Variants in WDR33 observed in about 807,000 individuals in gnomAD.
WDR33 encodes pre-mRNA 3' end processing protein WDR33.
Under a neutral mutation model 164.9 loss-of-function variants are expected in WDR33, and 47 were observed. The observed-to-expected ratio is 0.29, with a 90% confidence interval of 0.23 to 0.36. The LOEUF is 0.36. WDR33 is among the 10% of genes least tolerant of loss of function. The pLI is 1.00. For missense variants in WDR33, 1,137 were observed against 1,754.1 expected (o/e 0.65, Z 6.28); for synonymous variants, 505 against 589.0 (o/e 0.86, Z 2.06).
At chr2:127,765,830 A>G (rs1687804497) in intron 4 of WDR33, among the ~76,000 whole-genome samples, 1 of 152,004 alleles carries the variant, frequency 6.6e-6, no homozygotes, top group African/African-American at 2.4e-5. Context: ...CCTCCATTCA[A>G]AGTACCAAGC....
Position 127,724,560 on chromosome 2 carries a change from G to A in WDR33, c.1086-117C>T. ...ATGAAGCTACCAAAGCCTGGACTTG[G>A]ACTCTGGTGAATTCCACATGTCTCG... On this transcript the variant is annotated intron_variant, in intron 10 of 21. Transcript: ENST00000322313. The surrounding 1 kb of genome is among the most constrained non-coding windows in gnomAD (Gnocchi z 4.8). 1.2e-6 allele frequency: 1 copy of A among 865,860 alleles called. No homozygotes were observed. Among genetic ancestry groups the A allele is most frequent in the Non-Finnish European group, 1.8e-6 (1 of 544,826 alleles). The allele number at this position is 865,860 out of a possible 1,614,324, so 53.6% of individuals were successfully genotyped here. A position where few individuals can be genotyped will look rare whatever the true frequency, so the allele number is the denominator to read the frequency against.
At chr2:127,740,296 G>A (rs112638681) in intron 7 of WDR33, among the ~76,000 whole-genome samples, 4 of 152,274 alleles carry the variant, frequency 2.6e-5, no homozygotes, top group African/African-American at 9.6e-5. Context: ...GGCCACCAGC[G>A]TTGGCACACG....
At chr2:127,744,751 CA>C (rs1461717521) in intron 7 of WDR33, among the ~76,000 whole-genome samples, 2 of 152,146 alleles carry the variant, frequency 1.3e-5, no homozygotes, top group African/African-American at 4.8e-5. Context: ...TTACATTCCC[CA>C]GTACTCTTCC....
rs1685899149 is a variant in WDR33 at position 127,701,934 on chromosome 2, C to A, written c.*4389G>T. Reference sequence around the variant, plus strand: ...GGGCGGCGCGGCGTGCGGACGCCTGCTGCGCTGCGAAGAAGCGCCGTCCCG... The same window carrying A: ...GGGCGGCGCGGCGTGCGGACGCCTGATGCGCTGCGAAGAAGCGCCGTCCCG... On this transcript the variant is annotated 3_prime_UTR_variant, in exon 22 of 22. Transcript: ENST00000322313. 3.5e-6 allele frequency: 5 copies of A among 1,427,366 alleles called. No homozygotes were observed. Among genetic ancestry groups the A allele is most frequent in the South Asian group, 1.4e-5 (1 of 72,140 alleles). The allele number at this position is 1,427,366 out of a possible 1,614,324, so 88.4% of individuals were successfully genotyped here.
chr2:127,741,870 T>G lies in WDR33; in HGVS notation c.725-15093A>C, dbSNP rs1159476869. Among the ~76,000 whole-genome samples, 1 of 151,928 alleles carries G rather than the reference T, an allele frequency of 6.6e-6. No homozygotes were observed. Among genetic ancestry groups the G allele is most frequent in the Non-Finnish European group, 1.5e-5 (1 of 67,962 alleles). ...AAAAATGAAAAGATTAGAGAACCAC[T>G]AGAAATTCTTGAAAAGTAAACATGC... On this transcript the variant is annotated intron_variant, in intron 7 of 21. Transcript: ENST00000322313. The surrounding 1 kb of genome is among the most constrained non-coding windows in gnomAD (Gnocchi z 4.1).
intron 7 of WDR33, among the ~76,000 whole-genome samples, chr2:127,759,253 T>C (rs1050220270): frequency 1.1e-4 from 16 of 152,216 alleles, no homozygotes; most frequent in Admixed American, 9.8e-4. Flanking sequence ...TTTCAACTTA[T>C]GTACCAACAA....
chr2:127,737,667 T>A, intron 7 of WDR33: 7 of 1,041,980 alleles, frequency 6.7e-6, no homozygotes, highest in Non-Finnish European at 8.1e-6. Context: ...CTGAAGCCCC[T>A]GGTAAGGAAG....
At chr2:127,730,421 G>A (rs967629604) in intron 7 of WDR33, among the ~76,000 whole-genome samples, 1 of 151,730 alleles carries the variant, frequency 6.6e-6, no homozygotes, top group Non-Finnish European at 1.5e-5. Flanking sequence ...AGATCCAGAG[G>A]AATAAGACCA....
At chr2:127,750,677 A>AATATATATATATAT (rs1161071581) in intron 7 of WDR33, among the ~76,000 whole-genome samples, 1 of 35,800 alleles carries the variant, frequency 2.8e-5, no homozygotes, top group African/African-American at 1.5e-4. Context: ...AAAAAAAAAA[A>AATATATATATATAT]ATATATATAT....
Position 127,722,945 on chromosome 2 carries a change from T to G in WDR33, c.1378+13A>C, listed in dbSNP as rs371940597. ...TTTGTAAAAATTAAATGTGTCTGTG[T>G]AACTTCTCTTACCCATCTGTTCTTG... On this transcript the variant is annotated intron_variant, in intron 13 of 21. Coordinates refer to ENST00000322313, the MANE Select transcript of WDR33 (RefSeq NM_018383.5). The surrounding 1 kb of genome is among the most constrained non-coding windows in gnomAD (Gnocchi z 5.1). 1.3e-6 allele frequency: 2 copies of G among 1,592,134 alleles called. No homozygotes were observed. Among genetic ancestry groups the G allele is most frequent in the African/African-American group, 2.7e-5 (2 of 73,726 alleles).
At chr2:127,731,280 G>A (rs1176461966) in intron 7 of WDR33, among the ~76,000 whole-genome samples, 2 of 116,950 alleles carry the variant, frequency 1.7e-5, no homozygotes, top group Non-Finnish European at 3.3e-5. Context: ...GGGCAACAGA[G>A]CAAGACCCTG....
At chr2:127,742,060 G>C (rs2105403346) in intron 7 of WDR33, among the ~76,000 whole-genome samples, 1 of 152,074 alleles carries the variant, frequency 6.6e-6, no homozygotes, top group South Asian at 2.1e-4. Context: ...AAATTAGCCA[G>C]GTGTGGTGGT....
At chr2:127,781,278 T>C (rs1688359678) in intron 1 of WDR33, among the ~76,000 whole-genome samples, 1 of 152,130 alleles carries the variant, frequency 6.6e-6, no homozygotes, top group South Asian at 2.1e-4. Context: ...ATTCTTAAAA[T>C]GCCAAAACAA....
Position 127,702,086 on chromosome 2 carries a change from G to T in WDR33, c.*4237C>A, listed in dbSNP as rs762461637. On this transcript the variant is annotated 3_prime_UTR_variant, in exon 22 of 22. Transcript: ENST00000322313. ...CCGCGCTGCTGGCCGCGCTGGTTGGGCTGCTGCCCTGGGGCGGCGGCACCG... is the reference window on the plus strand; with the variant it reads ...CCGCGCTGCTGGCCGCGCTGGTTGGTCTGCTGCCCTGGGGCGGCGGCACCG... The T allele has an allele frequency of 2.5e-4, 308 of 1,222,934 alleles. No homozygotes were observed. The highest frequency in any genetic ancestry group is 3.1e-4 in the Non-Finnish European group (304 of 984,896). The allele number at this position is 1,222,934 out of a possible 1,614,324, so 75.8% of individuals were successfully genotyped here. A position where few individuals can be genotyped will look rare whatever the true frequency, so the allele number is the denominator to read the frequency against.
chr2:127,739,328 C>T (rs1686948738), intron 7 of WDR33, among the ~76,000 whole-genome samples: 3 of 152,084 alleles, frequency 2.0e-5, no homozygotes, highest in Non-Finnish European at 1.5e-5. Context: ...TTTCCACTTA[C>T]AGTCGACTAT....
In WDR33 at chr2:127,716,669, A is replaced by C. The variant is rs1157581119; in HGVS notation, c.2869+486T>G. Among the ~76,000 whole-genome samples, 1 of 152,192 alleles carries C rather than the reference A, an allele frequency of 6.6e-6. No homozygotes were observed. Among genetic ancestry groups the C allele is most frequent in the African/African-American group, 2.4e-5 (1 of 41,426 alleles). ...TCATCTCTTTCCTTTTCATATCAACAACCTGAGGAGCCACATATGGCTAGA... is the reference window on the plus strand; with the variant it reads ...TCATCTCTTTCCTTTTCATATCAACCACCTGAGGAGCCACATATGGCTAGA... On this transcript the variant is annotated intron_variant, in intron 17 of 21. Transcript: ENST00000322313. This position sits in a 1 kb window ranked among gnomAD's most constrained non-coding sequence, Gnocchi z 4.5.
At chr2:127,759,045 G>T (rs1356708951) in intron 7 of WDR33, among the ~76,000 whole-genome samples, 1 of 152,130 alleles carries the variant, frequency 6.6e-6, no homozygotes, top group Admixed American at 6.6e-5. Flanking sequence ...AGCTTGGGAA[G>T]CTAGGGGAAA....
intron 4 of WDR33, among the ~76,000 whole-genome samples, chr2:127,767,367 G>A (rs908717667): frequency 2.0e-5 from 3 of 151,938 alleles, no homozygotes; most frequent in African/African-American, 4.8e-5. Flanking sequence ...TATGAAAATC[G>A]GGGTTATAAC....
chr2:127,722,469 G>C lies in WDR33; in HGVS notation c.1518+122C>G. The C allele has an allele frequency of 7.4e-7, 1 of 1,348,094 alleles. No individual in the cohort carries two copies. The highest frequency in any genetic ancestry group is 1.0e-6 in the Non-Finnish European group (1 of 986,226). 83.5% of individuals were successfully genotyped at this position (1,348,094 alleles called of 1,614,324 possible). ...AGATGAGAACCATGTCTAAGAGTAC[G>C]TGAACATGGGAAAAATGCTCCAGTA... On this transcript the variant is annotated intron_variant, in intron 14 of 21. Coordinates refer to ENST00000322313, the MANE Select transcript of WDR33 (RefSeq NM_018383.5). The surrounding 1 kb of genome is among the most constrained non-coding windows in gnomAD (Gnocchi z 5.1).
Sources: allele counts gnomAD v4.1 joint callset (sites outside exome capture counted in the v4.1 genomes callset), GRCh38; gene constraint gnomAD v4.1.1; non-coding constraint Gnocchi (gnomAD v3.1); transcripts MANE v1.5; gene names NCBI Gene and HGNC (gene_info 2026-07-23, HGNC 2026-07-21).